Variants in USP10 observed in about 807,000 individuals in gnomAD.
USP10 encodes ubiquitin carboxyl-terminal hydrolase 10.
A neutral mutation model predicts 84.5 loss-of-function variants in USP10; 22 were observed. The ratio of observed to expected loss-of-function variants is 0.26; its 90% CI spans 0.19 to 0.37. The LOEUF (loss-of-function observed/expected upper bound fraction) is 0.37, where lower values mean the gene tolerates loss of function less well. Ranked by LOEUF, USP10 falls within the 10% of genes least tolerant of loss-of-function variation. The pLI is 1.00. For missense variants in USP10, 1,019 were observed against 998.9 expected (o/e 1.02, Z -0.27); for synonymous variants, 454 against 387.6 (o/e 1.17, Z -2.01).
chr16:84,764,047 G>A, intron 9 of USP10, 39 bp from the exon 10 acceptor site: 1 of 1,533,406 alleles, frequency 6.5e-7, no homozygotes, highest in South Asian at 1.2e-5. Context: ...TGCTGTTCTT[G>A]TCGTAAATAG....
intron 1 of USP10, among the ~76,000 whole-genome samples, chr16:84,726,516 C>A (rs1235048512): frequency 6.6e-6 from 1 of 152,260 alleles, no homozygotes; most frequent in African/African-American, 2.4e-5. Context: ...AGAAGGTAAA[C>A]TGAGCCAGCT....
chr16:84,769,701 C>G (rs919960451), intron 11 of USP10, among the ~76,000 whole-genome samples: 1 of 152,160 alleles, frequency 6.6e-6, no homozygotes, highest in African/African-American at 2.4e-5. Flanking sequence ...CTATGGGAGT[C>G]TTTGGCCACC....
At chr16:84,762,700 A>T (rs1913350479) in intron 8 of USP10, among the ~76,000 whole-genome samples, 2 of 152,100 alleles carry the variant, frequency 1.3e-5, no homozygotes, top group Non-Finnish European at 2.9e-5. Context: ...CAAAAAAAAA[A>T]AAAAGTATAT....
chr16:84,710,498 T>C (rs1378261302), intron 1 of USP10, among the ~76,000 whole-genome samples: 3 of 152,114 alleles, frequency 2.0e-5, no homozygotes, highest in Admixed American at 1.3e-4. Context: ...AGCCCTTCAG[T>C]GTCCTCAGTG....
rs1433926194 is a variant in USP10, at chr16:84,704,691, T to A, written c.21+4580T>A. On this transcript the variant is annotated intron_variant, in intron 1 of 13. Transcript: ENST00000219473. ...TATCATAAACCTCGATGTAGAATCT[T>A]CAGATCCTAGATTTTTTCTGAACTG... 2.0e-5 allele frequency: 29 copies of A among 1,478,986 alleles called. 1 individual carries two copies. Among genetic ancestry groups the A allele is most frequent in the Non-Finnish European group, 3.6e-6 (4 of 1,118,388 alleles). The allele number at this position is 1,478,986 out of a possible 1,614,324, so 91.6% of individuals were successfully genotyped here.
At chr16:84,706,776 G>A (rs1905579423) in intron 1 of USP10, among the ~76,000 whole-genome samples, 2 of 151,904 alleles carry the variant, frequency 1.3e-5, no homozygotes, top group Non-Finnish European at 2.9e-5. Context: ...TCCTGACCTC[G>A]GGATCTGCCC....
At chr16:84,732,568 T>C in intron 1 of USP10, 1 of 342,836 alleles carries the variant, frequency 2.9e-6, no homozygotes, top group Non-Finnish European at 5.7e-6. Flanking sequence ...TGGCTCAGCC[T>C]CCCGAGCAGC....
At chr16:84,754,252 A>G (rs554926351) in intron 4 of USP10, among the ~76,000 whole-genome samples, 2 of 152,078 alleles carry the variant, frequency 1.3e-5, no homozygotes, top group East Asian at 3.9e-4. Flanking sequence ...TTAATAACAG[A>G]ATGATACGGT....
At chr16:84,730,607 G>C (rs116919724) in intron 1 of USP10, among the ~76,000 whole-genome samples, 1 of 152,168 alleles carries the variant, frequency 6.6e-6, no homozygotes, top group Non-Finnish European at 1.5e-5. Context: ...AAGCCACTTG[G>C]TGTCTGCGTT....
In USP10 at chr16:84,745,112, A is replaced by T. The variant is rs1911054676; in HGVS notation, c.631A>T (p.Ser211Cys). ...PPSVTPRTCN[S>C]PQNSTDSVSD... Reference sequence around the variant, plus strand: ...GTCAGTTACGCCCAGGACTTGTAACAGCCCCCAGAACTCCACAGACTCTGT... The same window carrying T: ...GTCAGTTACGCCCAGGACTTGTAACTGCCCCCAGAACTCCACAGACTCTGT... Residue 211 changes from serine to cysteine, a missense_variant, in exon 4 of 14, where the codon AGC (serine) becomes TGC (cysteine). Physicochemically the swap from Ser to Cys is moderately radical, Grantham distance 112 (BLOSUM62 -1). Coordinates refer to ENST00000219473, the MANE Select transcript of USP10 (RefSeq NM_005153.3). The T allele has an allele frequency of 1.2e-6, 2 of 1,613,448 alleles. No homozygotes were observed. The highest frequency in any genetic ancestry group is 1.7e-6 in the Non-Finnish European group (2 of 1,179,638).
intron 9 of USP10, 67 bp from the exon 10 acceptor site, chr16:84,764,019 C>G (rs1234737149): frequency 4.0e-6 from 6 of 1,497,194 alleles, no homozygotes; most frequent in African/African-American, 2.8e-5. Context: ...ATCGACAGAT[C>G]TGTGCCTTTT....
intron 1 of USP10, among the ~76,000 whole-genome samples, chr16:84,715,952 A>G (rs949246056): frequency 2.0e-5 from 3 of 152,106 alleles, no homozygotes; most frequent in Non-Finnish European, 4.4e-5. Flanking sequence ...TGACCAAGAG[A>G]GTGAGTGTGC....
At chr16:84,753,865 C>G (rs1912216901) in intron 4 of USP10, among the ~76,000 whole-genome samples, 1 of 152,144 alleles carries the variant, frequency 6.6e-6, no homozygotes, top group Admixed American at 6.5e-5. Flanking sequence ...TTGGCCTTGC[C>G]TTCAGGGTAG....
At chr16:84,770,735 G>A (rs550116046) in intron 11 of USP10, among the ~76,000 whole-genome samples, 4 of 146,788 alleles carry the variant, frequency 2.7e-5, no homozygotes, top group African/African-American at 1.0e-4. Flanking sequence ...TAGCGCCACT[G>A]CAGTCCGGCC....
intron 1 of USP10, chr16:84,733,121 G>C: frequency 2.1e-6 from 1 of 484,376 alleles, no homozygotes; most frequent in Middle Eastern, 3.1e-4. Flanking sequence ...TGGAACAACT[G>C]GCAGTATTTG....
chr16:84,723,118 G>A (rs1239095518), intron 1 of USP10, among the ~76,000 whole-genome samples: 50 of 151,516 alleles, frequency 3.3e-4, no homozygotes, highest in Non-Finnish European at 1.5e-5. Context: ...GGATTGACCG[G>A]CTCCGATACC....
intron 1 of USP10, 186 bp from the exon 2 acceptor site, chr16:84,733,249 T>C: frequency 1.6e-6 from 1 of 610,588 alleles, no homozygotes; most frequent in East Asian, 2.9e-5. Context: ...TAGGAAAGGT[T>C]CAGTAGTATT....
intron 4 of USP10, among the ~76,000 whole-genome samples, chr16:84,757,399 GGGGGTGTGTGTGTGT>G (rs1912691884): frequency 7.1e-5 from 5 of 70,436 alleles, no homozygotes; most frequent in East Asian, 6.3e-4. Context: ...TGAGAGGGGT[GGGGGTGTGTGTGTGT>G]GTGTGTGTGT....
At chr16:84,775,975 T>G (rs1467086757) in intron 13 of USP10, among the ~76,000 whole-genome samples, 1 of 152,230 alleles carries the variant, frequency 6.6e-6, no homozygotes, top group African/African-American at 2.4e-5. Context: ...TACTACATGT[T>G]TCTAGCTTCT....
Sources: allele counts gnomAD v4.1 joint callset (sites outside exome capture counted in the v4.1 genomes callset), GRCh38; gene constraint gnomAD v4.1.1; transcripts MANE v1.5; gene names NCBI Gene and HGNC (gene_info 2026-07-23, HGNC 2026-07-21).